The following CCDC85C variants were observed in gnomAD, a reference collection of about 807,000 sequenced individuals.
CCDC85C encodes the protein coiled-coil domain-containing protein 85C.
A neutral mutation model predicts 38.3 loss-of-function variants in CCDC85C; 18 were observed. The observed-to-expected ratio is 0.47, with a 90% confidence interval of 0.33 to 0.70. The LOEUF (loss-of-function observed/expected upper bound fraction) is 0.70, where lower values mean the gene tolerates loss of function less well. CCDC85C is among the 30% of genes least tolerant of loss of function. The pLI, the probability that CCDC85C is intolerant of heterozygous loss-of-function variation, is 0.03. For missense variants in CCDC85C, 566 were observed against 621.2 expected, an observed-to-expected ratio of 0.91 and a Z score of 0.94; for synonymous variants, 264 against 293.8, an observed-to-expected ratio of 0.90 and a Z score of 1.04.
chr14:99,568,246 CTTTAT>C (rs1481363989), intron 1 of CCDC85C, among the ~76,000 whole-genome samples: 1 of 114,488 alleles, frequency 8.7e-6, no homozygotes, highest in African/African-American at 3.8e-5. Context: ...GCCACCTGCC[CTTTAT>C]TTTTTTTTTT....
intron 1 of CCDC85C, among the ~76,000 whole-genome samples, chr14:99,597,099 C>T (rs763322408): frequency 3.9e-5 from 6 of 152,084 alleles, no homozygotes; most frequent in Non-Finnish European, 8.8e-5. Context: ...AACCTCCTCC[C>T]GATGGAAGCC....
chr14:99,541,606 G>C (rs1412483115), intron 1 of CCDC85C, among the ~76,000 whole-genome samples: 1 of 152,136 alleles, frequency 6.6e-6, no homozygotes, highest in South Asian at 2.1e-4. Context: ...CTAGGGCTCG[G>C]AGTCACCCCA....
rs1473305528 is a variant in CCDC85C, at chr14:99,588,520, C to A, written c.793+14647G>T. Among the ~76,000 whole-genome samples the A allele has an allele frequency of 2.0e-5, 3 of 152,100 alleles. No individual in the cohort carries two copies. The highest frequency in any genetic ancestry group is 4.4e-5 in the Non-Finnish European group (3 of 68,026). ...TGAAGGAGAGATCAAGGTTGTAATT[C>A]AAAAGAAAATGAGATTTTCTCATTT... is the stretch of plus-strand genomic sequence containing the variant. On this transcript the variant is annotated intron_variant, in intron 1 of 5. Transcript: ENST00000380243. This position sits in a 1 kb window ranked among gnomAD's most constrained non-coding sequence, Gnocchi z 5.0.
rs1896909268 is a variant in CCDC85C at position 99,504,008 on chromosome 14, G to T, written c.*11238C>A. 4 of 360,092 alleles carry T rather than the reference G, an allele frequency of 1.1e-5. No individual in the cohort carries two copies. Among genetic ancestry groups the T allele is most frequent in the South Asian group, 6.4e-5 (3 of 46,818 alleles). The allele number at this position is 360,092 out of a possible 1,614,324, so 22.3% of individuals were successfully genotyped here. On this transcript the variant is annotated 3_prime_UTR_variant, in exon 6 of 6. Transcript: ENST00000380243. ...CAAGCACCAAGCCACAGCAGATGCG[G>T]GGGGGCAGTAGGGGGTGGTGTGCTG... is the stretch of plus-strand genomic sequence containing the variant.
At chr14:99,574,035 C>T (rs1396638774) in intron 1 of CCDC85C, among the ~76,000 whole-genome samples, 2 of 152,318 alleles carry the variant, frequency 1.3e-5, no homozygotes, top group South Asian at 4.1e-4. Context: ...GCATTTGGAT[C>T]TTGATGGAAT....
chr14:99,592,157 G>A (rs1446949283), intron 1 of CCDC85C, among the ~76,000 whole-genome samples: 1 of 152,216 alleles, frequency 6.6e-6, no homozygotes. Flanking sequence ...CTGTCAGCAC[G>A]GTACTAGCCC....
chr14:99,585,018 C>T (rs1399480504), intron 1 of CCDC85C, among the ~76,000 whole-genome samples: 1 of 152,168 alleles, frequency 6.6e-6, no homozygotes, highest in Non-Finnish European at 1.5e-5. Flanking sequence ...TCTCTTGAGC[C>T]AGGGAGATGG....
intron 1 of CCDC85C, among the ~76,000 whole-genome samples, chr14:99,557,787 C>G (rs1396571194): frequency 6.6e-6 from 1 of 152,038 alleles, no homozygotes; most frequent in Non-Finnish European, 1.5e-5. Flanking sequence ...TGGTGGTGCA[C>G]GCCTGTAATC....
At chr14:99,599,216 C>G (rs1165581458) in intron 1 of CCDC85C, among the ~76,000 whole-genome samples, 1 of 152,126 alleles carries the variant, frequency 6.6e-6, no homozygotes, top group Non-Finnish European at 1.5e-5. Flanking sequence ...GAGAACAAAC[C>G]TGTCTCATTT....
In CCDC85C at chr14:99,502,401, G is replaced by A. The variant is rs116241246; in HGVS notation, c.*12845C>T. ...GGTACCAGGCATGCTAAGCGTTCTC[G>A]TGAGGGTGTTCCATGTTGAGATGAT... On this transcript the variant is annotated 3_prime_UTR_variant, in exon 6 of 6. Transcript: ENST00000380243. The A allele has an allele frequency of 4.1e-5, 66 of 1,608,850 alleles. No individual in the cohort carries two copies. The African/African-American group carries it at 6.4e-4, about 16-fold the overall frequency.
intron 1 of CCDC85C, among the ~76,000 whole-genome samples, chr14:99,591,836 GA>G (rs1310925275): frequency 1.3e-5 from 2 of 150,550 alleles, no homozygotes; most frequent in African/African-American, 2.5e-5. Context: ...CCAAGTTCAA[GA>G]GATTCTCCTG....
rs571828932 is a variant in CCDC85C at position 99,533,868 on chromosome 14, G to A, written c.867+2147C>T. On this transcript the variant is annotated intron_variant, in intron 2 of 5. Coordinates refer to ENST00000380243, the MANE Select transcript of CCDC85C (RefSeq NM_001144995.2). The surrounding 1 kb of genome is among the most constrained non-coding windows in gnomAD (Gnocchi z 4.2). ...GGGGGGCACCCCAGGAAGGAAGGCA[G>A]GAAGAAGGGCTGCTCCTCCACAGCC... 7.2e-5 allele frequency among the ~76,000 whole-genome samples: 11 copies of A among 152,338 alleles called. No homozygotes were observed. Among genetic ancestry groups the A allele is most frequent in the African/African-American group, 2.2e-4 (9 of 41,582 alleles).
chr14:99,540,502 C>T (rs1897691301), intron 1 of CCDC85C, among the ~76,000 whole-genome samples: 1 of 152,180 alleles, frequency 6.6e-6, no homozygotes, highest in Non-Finnish European at 1.5e-5. Flanking sequence ...TGGAGATGAG[C>T]GGGTAATTAA....
At position 99,517,172 on chromosome 14, in the gene CCDC85C, G is replaced by A. The variant is rs747758132; in HGVS notation, c.987C>T (p.Cys329=). ...YQDSLQNGPA[C]PAPELPSPPS... is the part of the protein sequence containing the mutation. ...GGGGCGAGGGCAGCTCAGGTGCGGGGCAGGCCGGGCCCTGGGGAAGGCAAT... is the reference window on the plus strand; with the variant it reads ...GGGGCGAGGGCAGCTCAGGTGCGGGACAGGCCGGGCCCTGGGGAAGGCAAT... Residue 329 remains cysteine (C), a synonymous_variant, in exon 4 of 6, where the codon TGC becomes TGT. Coordinates refer to ENST00000380243, the MANE Select transcript of CCDC85C (RefSeq NM_001144995.2). 209 of 1,546,572 alleles carry A rather than the reference G, an allele frequency of 1.4e-4. 1 individual carries two copies. Among genetic ancestry groups the A allele is most frequent in the Non-Finnish European group, 1.5e-4 (177 of 1,145,030 alleles).
rs1348726621 is a variant in CCDC85C at position 99,509,566 on chromosome 14, C to G, written c.*5680G>C. 2 of 150,798 alleles carry G rather than the reference C, an allele frequency of 1.3e-5. No homozygotes were observed. The highest frequency in any genetic ancestry group is 2.8e-5 in the Non-Finnish European group (2 of 72,498). The allele number at this position is 150,798 out of a possible 1,614,324, so 9.3% of individuals were successfully genotyped here. Reference sequence around the variant, plus strand: ...CGCAGCACGCACACGCACACACATGCACACACTCCTCTCAAGGAGGCTGCT... The same window carrying G: ...CGCAGCACGCACACGCACACACATGGACACACTCCTCTCAAGGAGGCTGCT... On this transcript the variant is annotated 3_prime_UTR_variant, in exon 6 of 6. Transcript: ENST00000380243.
intron 2 of CCDC85C, among the ~76,000 whole-genome samples, chr14:99,525,673 GGGGTGCGGGTGGAGGCA>G (rs1897370445): frequency 1.3e-5 from 2 of 152,224 alleles, no homozygotes; most frequent in Admixed American, 1.3e-4. Context: ...GTGAGGGCTG[GGGGTGCGGGTGGAGGCA>G]GGCACTGAAG....
At position 99,544,779 on chromosome 14, in the gene CCDC85C, G is replaced by A. The variant is rs1017364340; in HGVS notation, c.794-8691C>T. ...TGTGAAAAGACTTGATGTTAGTGAG[G>A]TTTTCAGTCTGAGCCAAAGACCCCA... On this transcript the variant is annotated intron_variant, in intron 1 of 5. Coordinates refer to ENST00000380243, the MANE Select transcript of CCDC85C (RefSeq NM_001144995.2). The surrounding 1 kb of genome is among the most constrained non-coding windows in gnomAD (Gnocchi z 5.3). 1.3e-5 allele frequency among the ~76,000 whole-genome samples: 2 copies of A among 152,084 alleles called. No individual in the cohort carries two copies. The highest frequency in any genetic ancestry group is 2.9e-5 in the Non-Finnish European group (2 of 68,018).
chr14:99,524,299 GGCCCT>G (rs1273268171), intron 2 of CCDC85C, among the ~76,000 whole-genome samples: 1 of 151,996 alleles, frequency 6.6e-6, no homozygotes, highest in Admixed American at 6.6e-5. Context: ...CCCTTCAGCC[GGCCCT>G]GCCCTGCCCT....
chr14:99,587,357 T>C lies in CCDC85C; in HGVS notation c.793+15810A>G, dbSNP rs573781176. ...CCCTCAGAGCCTCATGACCAAAAAATAGCTCAGTGCCTAAAGTTAATGGTC... is the reference window on the plus strand; with the variant it reads ...CCCTCAGAGCCTCATGACCAAAAAACAGCTCAGTGCCTAAAGTTAATGGTC... On this transcript the variant is annotated intron_variant, in intron 1 of 5. Coordinates refer to ENST00000380243, the MANE Select transcript of CCDC85C (RefSeq NM_001144995.2). 2.6e-5 allele frequency among the ~76,000 whole-genome samples: 4 copies of C among 152,358 alleles called. No homozygotes were observed. In the South Asian group the frequency reaches 8.3e-4, roughly 32 times the overall value.
Sources: gnomAD v4.1 joint callset for allele counts (sites outside exome capture counted in the v4.1 genomes callset) on GRCh38, gnomAD v4.1.1 for gene constraint, Gnocchi (gnomAD v3.1) non-coding constraint, MANE v1.5 for transcripts, NCBI Gene and HGNC (gene_info 2026-07-23, HGNC 2026-07-21) for gene names.